The following TECPR1 variants were observed in gnomAD, a reference collection of about 807,000 sequenced individuals.
The protein encoded by TECPR1 is tectonin beta-propeller repeat-containing protein 1.
A neutral mutation model predicts 162.4 loss-of-function variants in TECPR1; 122 were observed. The ratio of observed to expected loss-of-function variants is 0.75; its 90% CI spans 0.65 to 0.87. TECPR1 has a LOEUF of 0.87. Among genes scored for constraint, TECPR1 ranks in the 40% least tolerant of loss-of-function variants. The pLI, the probability that TECPR1 is intolerant of heterozygous loss-of-function variation, is 0.00. For synonymous variants in TECPR1, 642 were observed against 670.6 expected (o/e 0.96, Z 0.66); for missense variants, 1,432 against 1,618.2 (o/e 0.88, Z 1.97).
intron 5 of TECPR1, among the ~76,000 whole-genome samples, chr7:98,243,906 T>A (rs1798833327): frequency 6.6e-6 from 1 of 152,100 alleles, no homozygotes; most frequent in Admixed American, 6.6e-5. Context: ...CTACAAAAAA[T>A]TTAAAAGTTA....
At chr7:98,231,457 G>A in intron 13 of TECPR1, 84 bp from the exon 14 acceptor site, 1 of 1,442,084 alleles carries the variant, frequency 6.9e-7, no homozygotes, top group East Asian at 2.5e-5. Context: ...CTTCACCCTG[G>A]GACCCTGGCC....
chr7:98,244,734 G>A (rs1798857505), intron 4 of TECPR1, 41 bp from the exon 5 acceptor site: 1 of 1,590,228 alleles, frequency 6.3e-7, no homozygotes, highest in Non-Finnish European at 8.6e-7. Flanking sequence ...CTGCGGGGAA[G>A]GCATTTGAAG....
rs781638415 is a variant in TECPR1, at chr7:98,217,420, T to C, written c.3468A>G (p.Pro1156=). 1.2e-6 allele frequency: 2 copies of C among 1,605,178 alleles called. No individual in the cohort carries two copies. Among genetic ancestry groups the C allele is most frequent in the Non-Finnish European group, 1.7e-6 (2 of 1,176,088 alleles). ...SSSQEQEPSA[P]PEAHGPVCC ...AGCAGACGGGGCCATGGGCCTCTGG[T>C]GGGGCACTCGGCTCCTGCTCCTGGG... Residue 1156 remains proline (P), a synonymous_variant, in exon 26 of 26, where the codon CCA becomes CCG. Transcript: ENST00000447648.
chr7:98,224,723 G>T, intron 19 of TECPR1, 78 bp downstream of exon 19: 1 of 1,376,630 alleles, frequency 7.3e-7, no homozygotes, highest in Non-Finnish European at 1.0e-6. Context: ...TGGAAGAGCA[G>T]TGAGGCCAGA....
intron 20 of TECPR1, 63 bp downstream of exon 20, chr7:98,223,599 C>T: frequency 1.3e-6 from 2 of 1,573,870 alleles, no homozygotes; most frequent in South Asian, 2.2e-5. Flanking sequence ...GGAACCAGAG[C>T]TCCCTCAAGG....
intron 8 of TECPR1, among the ~76,000 whole-genome samples, chr7:98,239,627 G>A (rs1445645973): frequency 2.6e-5 from 4 of 152,152 alleles, no homozygotes; most frequent in Non-Finnish European, 4.4e-5. Context: ...GGCTGTAAGA[G>A]GGGCTTGGAA....
intron 19 of TECPR1, 81 bp downstream of exon 19, chr7:98,224,720 G>A: frequency 3.7e-6 from 5 of 1,333,664 alleles, no homozygotes; most frequent in Non-Finnish European, 4.1e-6. Context: ...GCCTGGAAGA[G>A]CAGTGAGGCC....
Position 98,232,976 on chromosome 7 carries a change from TG to T in TECPR1, c.1673-5del. 6.2e-7 allele frequency: 1 copy of T among 1,602,840 alleles called. No homozygotes were observed. Among genetic ancestry groups the T allele is most frequent in the Non-Finnish European group, 8.5e-7 (1 of 1,174,194 alleles). On this transcript the variant is annotated splice_polypyrimidine_tract_variant and splice_region_variant and intron_variant, in intron 11 of 25. Transcript: ENST00000447648. The surrounding 1 kb of genome is among the most constrained non-coding windows in gnomAD (Gnocchi z 4.6). ...ATGTGTACCGAGGAGGACAGGCCTG[TG>T]GGGCAGAGAGAGCCTCAGGGCCGGG...
At position 98,240,858 on chromosome 7, in the gene TECPR1, T is replaced by A; in HGVS notation, c.926A>T (p.Asp309Val). The A allele has an allele frequency of 6.2e-7, 1 of 1,602,248 alleles. No individual in the cohort carries two copies. The highest frequency in any genetic ancestry group is 1.3e-5 in the African/African-American group (1 of 74,612). Reference protein sequence around the residue: ...GVSVVWAVTKDWKVWFRRGVN... With the variant: ...GVSVVWAVTKVWKVWFRRGVN... The stretch of plus-strand genomic sequence containing the variant: ...GCCTCATCCCCATCTTACCTTCCAG[T>A]CCTTGGTGACAGCCCAGACCACGCT... The change falls in exon 8 of 26, where the codon GAC becomes GTC. Residue 309 changes from aspartate (D) to valine (V), a missense_variant. By Grantham distance (152) the Asp-to-Val change is radical. Coordinates refer to ENST00000447648, the MANE Select transcript of TECPR1 (RefSeq NM_015395.3).
chr7:98,233,123 G>C (rs1798494155), intron 11 of TECPR1, 151 bp from the exon 12 acceptor site: 2 of 900,560 alleles, frequency 2.2e-6, no homozygotes, highest in Admixed American at 3.3e-5. Context: ...CCTGTTGGAT[G>C]AGTTGCTCTC....
chr7:98,227,381 G>A (rs1798303306), intron 17 of TECPR1, among the ~76,000 whole-genome samples: 1 of 145,736 alleles, frequency 6.9e-6, no homozygotes, highest in African/African-American at 2.6e-5. Flanking sequence ...GACAGGGCGA[G>A]ACTCGGTCTC....
At position 98,231,078 on chromosome 7, in the gene TECPR1, A is replaced by G; in HGVS notation, c.2165T>C (p.Val722Ala). ...GGCCTGCGGGGACGGGCGGCCCTGC[A>G]CCTTCCGGCTCTCGCAGCAAGACAG... ...LSLSCCESRK[V>A]QGRPSPQAIW... is the part of the protein sequence containing the mutation. Residue 722 changes from valine to alanine, a missense_variant, in exon 15 of 26, where the codon GTG becomes GCG. Transcript: ENST00000447648. 2 of 1,606,784 alleles carry G rather than the reference A, an allele frequency of 1.2e-6. No homozygotes were observed. The highest frequency in any genetic ancestry group is 2.2e-5 in the East Asian group (1 of 44,494).
intron 23 of TECPR1, among the ~76,000 whole-genome samples, chr7:98,220,615 G>C (rs1288579896): frequency 6.6e-6 from 1 of 151,448 alleles, no homozygotes; most frequent in Non-Finnish European, 1.5e-5. Flanking sequence ...CTGGAGTGCA[G>C]TGACGCAATC....
chr7:98,222,850 C>T (rs1258671799), intron 21 of TECPR1, 140 bp downstream of exon 21: 1 of 1,180,712 alleles, frequency 8.5e-7, no homozygotes, highest in Non-Finnish European at 1.2e-6. Context: ...GGGCCAACTG[C>T]CCCAGGGCAC....
intron 17 of TECPR1, among the ~76,000 whole-genome samples, chr7:98,226,245 G>A (rs765695594): frequency 9.2e-5 from 14 of 152,214 alleles, no homozygotes; most frequent in Non-Finnish European, 1.9e-4. Flanking sequence ...AGGTTTTCAG[G>A]ATGGAAATAT....
At chr7:98,250,299 A>T (rs758060562) in intron 2 of TECPR1, among the ~76,000 whole-genome samples, 36 of 151,504 alleles carry the variant, frequency 2.4e-4, no homozygotes, top group Non-Finnish European at 1.0e-4. Context: ...TTTAATTGTC[A>T]CTTTCTATAG....
intron 8 of TECPR1, 48 bp downstream of exon 8, chr7:98,240,803 C>T: frequency 6.7e-7 from 1 of 1,488,366 alleles, no homozygotes; most frequent in Middle Eastern, 1.7e-4. Flanking sequence ...TCACTGCAGT[C>T]TCCAACTCCT....
Position 98,243,497 on chromosome 7 carries a change from C to T in TECPR1, c.627G>A (p.Leu209=). ...CCTGCAGAGACACAGCCCACACTGACAGGCGGCCCACAGGCTCCTCCGTGA... is the reference window on the plus strand; with the variant it reads ...CCTGCAGAGACACAGCCCACACTGATAGGCGGCCCACAGGCTCCTCCGTGA... ...WEITEEPVGR[L]SVWAVSLQGK... is the part of the protein sequence containing the mutation. Residue 209 remains leucine (L), a synonymous_variant, in exon 6 of 26, where the codon CTG becomes CTA. Coordinates refer to ENST00000447648, the MANE Select transcript of TECPR1 (RefSeq NM_015395.3). The T allele has an allele frequency of 6.2e-7, 1 of 1,612,654 alleles. No homozygotes were observed. Among genetic ancestry groups the T allele is most frequent in the Non-Finnish European group, 8.5e-7 (1 of 1,179,822 alleles).
At chr7:98,246,781 C>T (rs1166809572) in intron 2 of TECPR1, among the ~76,000 whole-genome samples, 3 of 151,610 alleles carry the variant, frequency 2.0e-5, no homozygotes, top group Non-Finnish European at 2.9e-5. Flanking sequence ...CATGATTTCA[C>T]CATGTTGGAC....
Sources: gnomAD v4.1 joint callset for allele counts (sites outside exome capture counted in the v4.1 genomes callset) on GRCh38, gnomAD v4.1.1 for gene constraint, Gnocchi (gnomAD v3.1) non-coding constraint, MANE v1.5 for transcripts, NCBI Gene and HGNC (gene_info 2026-07-23, HGNC 2026-07-21) for gene names.